PCDHGB3: variants seen among roughly 807,000 people sequenced by gnomAD.
The protein encoded by PCDHGB3 is protocadherin gamma subfamily B, 3, also known as protocadherin gamma-B3.
Under a neutral mutation model 59.2 loss-of-function variants are expected in PCDHGB3, and 40 were observed. The ratio of observed to expected loss-of-function variants is 0.68; its 90% CI spans 0.52 to 0.88. The LOEUF is 0.88. Ranked by LOEUF, PCDHGB3 falls within the 40% of genes least tolerant of loss-of-function variation. PCDHGB3 has a pLI of 0.00. For synonymous variants in PCDHGB3, 581 were observed against 503.6 expected, an observed-to-expected ratio of 1.15 and a Z score of -2.06; for missense variants, 1,309 against 1,187.9, an observed-to-expected ratio of 1.10 and a Z score of -1.50.
At chr5:141,421,564 G>C in intron 1 of PCDHGB3, 1 of 1,613,982 alleles carries the variant, frequency 6.2e-7, no homozygotes, top group Non-Finnish European at 8.5e-7. Context: ...TCTCGTGGAA[G>C]ACACCTTGAA....
At chr5:141,425,546 A>G (rs2096882460) in intron 1 of PCDHGB3, among the ~76,000 whole-genome samples, 1 of 152,202 alleles carries the variant, frequency 6.6e-6, no homozygotes, top group African/African-American at 2.4e-5. Flanking sequence ...CTTTTCAGAA[A>G]CCTCTTTTAT....
At chr5:141,396,033 C>G (rs191318626) in intron 1 of PCDHGB3, 2 of 152,280 alleles carry the variant, frequency 1.3e-5, no homozygotes, top group South Asian at 2.1e-4. Flanking sequence ...TATGTAAGAA[C>G]ATATTTCAAT....
rs755936344 is a variant in PCDHGB3, at chr5:141,490,704, C to T, written c.2416-4103C>T. ...ATCCAGACACTGGGGATAATGCCCG[C>T]CTCACCTACTCCATTGTAGGAAATC... On this transcript the variant is annotated intron_variant, in intron 1 of 3. Transcript: ENST00000576222. The surrounding 1 kb of genome is among the most constrained non-coding windows in gnomAD (Gnocchi z 5.4). 6.2e-7 allele frequency: 1 copy of T among 1,614,166 alleles called. No homozygotes were observed.
At position 141,458,567 on chromosome 5, in the gene PCDHGB3, T is replaced by TTTTG. The variant is rs144471304; in HGVS notation, c.2416-36224_2416-36221dup. Among the ~76,000 whole-genome samples the TTTTG allele has an allele frequency of 8.6e-5, 13 of 151,610 alleles. No individual in the cohort carries two copies. The East Asian group carries it at 1.5e-3, about 18-fold the overall frequency. On this transcript the variant is annotated intron_variant, in intron 1 of 3. Coordinates refer to ENST00000576222, the MANE Select transcript of PCDHGB3 (RefSeq NM_018924.5). ...TTGTTTGTTTGTTTTGGTTTTGGGT[T>TTTTG]TTTGTTTGTTTGTTTGTTTTGGAGA...
intron 2 of PCDHGB3, among the ~76,000 whole-genome samples, chr5:141,498,956 AGAGG>A (rs1198207839): frequency 1.1e-4 from 14 of 124,162 alleles, no homozygotes; most frequent in East Asian, 2.7e-4. Context: ...AAAAAGAGAG[AGAGG>A]GAGGGAGGGA....
intron 1 of PCDHGB3, among the ~76,000 whole-genome samples, chr5:141,454,701 C>G (rs1182969868): frequency 6.6e-6 from 1 of 151,760 alleles, no homozygotes; most frequent in Non-Finnish European, 1.5e-5. Context: ...CCACCATGCT[C>G]CACCTGCTTA....
intron 1 of PCDHGB3, chr5:141,390,232 C>A: frequency 6.2e-7 from 1 of 1,614,020 alleles, no homozygotes. Context: ...GGTGATTCAT[C>A]TGGGGCCTTA....
chr5:141,427,546 C>T (rs779995777), intron 1 of PCDHGB3: 1 of 639,564 alleles, frequency 1.6e-6, no homozygotes, highest in South Asian at 1.5e-5. Context: ...GTCACCATCA[C>T]TGCCACTGAC....
At chr5:141,382,764 A>G (rs1778415401) in intron 1 of PCDHGB3, 1 of 699,092 alleles carries the variant, frequency 1.4e-6, no homozygotes. Context: ...GCCCTCTTCC[A>G]GGCTGCACTA....
At chr5:141,450,836 T>A (rs991599340) in intron 1 of PCDHGB3, among the ~76,000 whole-genome samples, 2 of 149,760 alleles carry the variant, frequency 1.3e-5, no homozygotes, top group African/African-American at 4.9e-5. Flanking sequence ...ATTATTTTTT[T>A]TTTTTTGAGA....
Position 141,372,483 on chromosome 5 carries a change from G to C in PCDHGB3, c.2089G>C (p.Ala697Pro). 2 of 1,614,028 alleles carry C rather than the reference G, an allele frequency of 1.2e-6. No homozygotes were observed. Among genetic ancestry groups the C allele is most frequent in the Non-Finnish European group, 1.7e-6 (2 of 1,179,900 alleles). Residue 697 changes from alanine to proline, a missense_variant, in exon 1 of 4, where the codon GCC (alanine) becomes CCC (proline). Ala to Pro is a conservative substitution (Grantham distance 27). Transcript: ENST00000576222. ...ELQFHLVVALALISVLFLLAV... is the reference protein window; with the variant it reads ...ELQFHLVVALPLISVLFLLAV... ...ACAGTTTCACCTAGTAGTGGCGTTG[G>C]CCTTGATCTCAGTGCTCTTCCTCCT...
At chr5:141,456,364 G>A (rs778916049) in intron 1 of PCDHGB3, among the ~76,000 whole-genome samples, 2 of 152,258 alleles carry the variant, frequency 1.3e-5, no homozygotes, top group Admixed American at 6.5e-5. Flanking sequence ...TCCATGTGTG[G>A]TTCAGTTTAC....
At chr5:141,461,251 A>G (rs925406409) in intron 1 of PCDHGB3, among the ~76,000 whole-genome samples, 1 of 152,156 alleles carries the variant, frequency 6.6e-6, no homozygotes, top group Non-Finnish European at 1.5e-5. Flanking sequence ...TTATATTCCC[A>G]GCAGCAATGT....
At chr5:141,403,157 A>G in intron 1 of PCDHGB3, 3 of 1,614,030 alleles carry the variant, frequency 1.9e-6, no homozygotes, top group Non-Finnish European at 8.5e-7. Context: ...CATCGTCTCT[A>G]GAGGTAGGAC....
Position 141,389,845 on chromosome 5 carries a change from C to A in PCDHGB3, c.2415+17036C>A, listed in dbSNP as rs572208776. 5.0e-5 allele frequency: 80 copies of A among 1,614,054 alleles called. No homozygotes were observed. In the Admixed American group the frequency reaches 1.3e-3, roughly 27 times the overall value. On this transcript the variant is annotated intron_variant, in intron 1 of 3. Transcript: ENST00000576222. ...GACGGTGGACAGCCACCACTCTCGG[C>A]CACTGCCACGTTGCACCTGGTCTTC...
At chr5:141,467,103 AGTACAATG>A (rs1438695307) in intron 1 of PCDHGB3, among the ~76,000 whole-genome samples, 1 of 147,462 alleles carries the variant, frequency 6.8e-6, no homozygotes, top group East Asian at 2.0e-4. Flanking sequence ...CACAGGCTGG[AGTACAATG>A]GTGCAATCTC....
At chr5:141,401,734 G>T (rs2094188545) in intron 1 of PCDHGB3, among the ~76,000 whole-genome samples, 1 of 152,166 alleles carries the variant, frequency 6.6e-6, no homozygotes, top group Non-Finnish European at 1.5e-5. Context: ...CTAGTCTTGT[G>T]TACATACAAA....
chr5:141,383,787 G>T, intron 1 of PCDHGB3: 1 of 1,613,950 alleles, frequency 6.2e-7, no homozygotes, highest in East Asian at 2.2e-5. Context: ...ATCTGAACTC[G>T]CTTACAGGAG....
At chr5:141,393,023 T>C (rs372159245) in intron 1 of PCDHGB3, 52 of 1,613,550 alleles carry the variant, frequency 3.2e-5, no homozygotes, top group Non-Finnish European at 4.3e-5. Flanking sequence ...TCTCCAGAGG[T>C]AGGACGCAGC....
Sources: allele counts gnomAD v4.1 joint callset (sites outside exome capture counted in the v4.1 genomes callset), GRCh38; gene constraint gnomAD v4.1.1; non-coding constraint Gnocchi (gnomAD v3.1); transcripts MANE v1.5; gene names NCBI Gene and HGNC (gene_info 2026-07-23, HGNC 2026-07-21).